The following BPGM variants were observed in gnomAD, a reference collection of about 807,000 sequenced individuals.
The protein encoded by BPGM is bisphosphoglycerate mutase.
In BPGM, 15 loss-of-function variants were observed where a neutral mutation model predicts 21.6. That is an observed-to-expected ratio of 0.70 (90% CI 0.47 to 1.07). BPGM has a LOEUF of 1.07. Among genes scored for constraint, BPGM ranks in the 50% least tolerant of loss-of-function variants. The pLI, the probability that BPGM is intolerant of heterozygous loss-of-function variation, is 0.00. For missense variants in BPGM, 273 were observed against 319.0 expected (o/e 0.86, Z 1.10); for synonymous variants, 113 against 116.2 (o/e 0.97, Z 0.18).
chr7:134,649,497 C>A (rs1795523478), intron 1 of BPGM, among the ~76,000 whole-genome samples: 1 of 151,304 alleles, frequency 6.6e-6, no homozygotes, highest in South Asian at 2.1e-4. Context: ...GTGTCTGGGG[C>A]CTGAAGAACA....
intron 1 of BPGM, among the ~76,000 whole-genome samples, chr7:134,651,699 A>T (rs1795557494): frequency 6.6e-6 from 1 of 152,210 alleles, no homozygotes. Flanking sequence ...CTAATCTTGA[A>T]TCATAATTTT....
chr7:134,658,892 A>ATTTTGTTTATTTTTATT (rs1795683339), intron 1 of BPGM, among the ~76,000 whole-genome samples: 2 of 143,900 alleles, frequency 1.4e-5, no homozygotes, highest in South Asian at 4.3e-4. Flanking sequence ...GTGTGTGTGT[A>ATTTTGTTTATTTTTATT]TTTTTTTTTT....
At chr7:134,662,695 T>G (rs1194730427) in intron 2 of BPGM, among the ~76,000 whole-genome samples, 2 of 152,208 alleles carry the variant, frequency 1.3e-5, no homozygotes, top group Non-Finnish European at 2.9e-5. Context: ...AAACTTCTTT[T>G]CAGAACAGGC....
At chr7:134,668,676 T>C (rs565887145) in intron 2 of BPGM, among the ~76,000 whole-genome samples, 60 of 152,340 alleles carry the variant, frequency 3.9e-4, no homozygotes, top group Non-Finnish European at 6.9e-4. Flanking sequence ...TATATCCTGG[T>C]CATATTTTTT....
chr7:134,650,378 G>A (rs1795536973), intron 1 of BPGM, among the ~76,000 whole-genome samples: 1 of 152,184 alleles, frequency 6.6e-6, no homozygotes, highest in Non-Finnish European at 1.5e-5. Flanking sequence ...GGTTATTCTT[G>A]TAACAAGCAA....
At chr7:134,669,984 G>A (rs954652000) in intron 2 of BPGM, among the ~76,000 whole-genome samples, 12 of 151,898 alleles carry the variant, frequency 7.9e-5, no homozygotes, top group African/African-American at 2.4e-4. Flanking sequence ...GTACTGTAGC[G>A]TTCCAGACAG....
chr7:134,664,682 CA>C (rs1795786891), intron 2 of BPGM, among the ~76,000 whole-genome samples: 1 of 152,220 alleles, frequency 6.6e-6, no homozygotes, highest in South Asian at 2.1e-4. Flanking sequence ...TCACAATAGA[CA>C]AAAGATGGAA....
Position 134,649,171 on chromosome 7 carries a change from A to AT in BPGM, c.-62+2236dup, listed in dbSNP as rs1290189857. On this transcript the variant is annotated intron_variant, in intron 1 of 2. Coordinates refer to ENST00000344924, the MANE Select transcript of BPGM (RefSeq NM_001724.5). ...TAGTTATTTGAAAATTTACAATTAAATTGTTTTTTTTTTTACTATAGTCAC... is the reference window on the plus strand; with the variant it reads ...TAGTTATTTGAAAATTTACAATTAAATTTGTTTTTTTTTTTACTATAGTCAC... 7.1e-3 allele frequency among the ~76,000 whole-genome samples: 1,041 copies of AT among 146,062 alleles called. 15 individuals carry two copies. The East Asian group carries it at 0.078, about 11-fold the overall frequency.
chr7:134,678,932 T>G lies in BPGM; in HGVS notation c.681T>G (p.Arg227=). ...TTCTGGAATTGGATGAAAACCTGCG[T>G]GCTGTTGGGCCTCATCAGTTCCTGG... ...PILLELDENL[R]AVGPHQFLGD... Residue 227 remains arginine, a synonymous_variant, in exon 3 of 3, where the codon CGT becomes CGG. Transcript: ENST00000344924. 1 of 1,614,104 alleles carries G rather than the reference T, an allele frequency of 6.2e-7. No individual in the cohort carries two copies. Among genetic ancestry groups the G allele is most frequent in the Non-Finnish European group, 8.5e-7 (1 of 1,179,924 alleles).
In BPGM at chr7:134,661,417, A is replaced by T; in HGVS notation, c.-61-30A>T. On this transcript the variant is annotated intron_variant, in intron 1 of 2. Coordinates refer to ENST00000344924, the MANE Select transcript of BPGM (RefSeq NM_001724.5). The surrounding 1 kb of genome is among the most constrained non-coding windows in gnomAD (Gnocchi z 4.6). ...TATTCCTAGATTGTCAGTTGAATAT[A>T]ACTTAGACTTGTTGTTCTTGTCTTT... The T allele has an allele frequency of 1.3e-6, 2 of 1,568,308 alleles. No homozygotes were observed. Among genetic ancestry groups the T allele is most frequent in the Non-Finnish European group, 1.8e-6 (2 of 1,142,272 alleles).
intron 1 of BPGM, among the ~76,000 whole-genome samples, chr7:134,648,999 G>A (rs1585849334): frequency 6.6e-6 from 1 of 152,062 alleles, no homozygotes; most frequent in East Asian, 1.9e-4. Flanking sequence ...TTTAATTTTT[G>A]TGGGTACCTA....
At chr7:134,664,514 TA>T (rs1173118569) in intron 2 of BPGM, among the ~76,000 whole-genome samples, 1 of 150,340 alleles carries the variant, frequency 6.7e-6, no homozygotes, top group African/African-American at 2.5e-5. Context: ...TATTCTCTGT[TA>T]AACACTGTAT....
chr7:134,665,347 A>G (rs1795799742), intron 2 of BPGM, among the ~76,000 whole-genome samples: 1 of 89,414 alleles, frequency 1.1e-5, no homozygotes, highest in Non-Finnish European at 2.0e-5. Flanking sequence ...CATCATTCTC[A>G]GTAAACTATC....
At position 134,661,539 on chromosome 7, in the gene BPGM, A is replaced by C; in HGVS notation, c.32A>C (p.His11Pro). 1 of 1,614,168 alleles carries C rather than the reference A, an allele frequency of 6.2e-7. No individual in the cohort carries two copies. The highest frequency in any genetic ancestry group is 1.1e-5 in the South Asian group (1 of 91,086). MSKYKLIMLR[H>P]GEGAWNKENR... ...AAGTACAAACTTATTATGTTAAGAC[A>C]TGGAGAGGGTGCTTGGAATAAGGAG... is the stretch of plus-strand genomic sequence containing the variant. The change falls in exon 2 of 3, where the codon CAT (histidine) becomes CCT (proline). Residue 11 changes from histidine (H) to proline (P), a missense_variant. His to Pro is a moderately conservative substitution (Grantham distance 77, BLOSUM62 -2). Transcript: ENST00000344924. This position sits in a 1 kb window ranked among gnomAD's most constrained non-coding sequence, Gnocchi z 4.6.
chr7:134,675,002 C>G (rs969753505), intron 2 of BPGM, among the ~76,000 whole-genome samples: 2 of 152,110 alleles, frequency 1.3e-5, no homozygotes, highest in African/African-American at 4.8e-5. Flanking sequence ...TTTGCATTTC[C>G]TTGATAGCTA....
intron 1 of BPGM, among the ~76,000 whole-genome samples, chr7:134,656,677 T>C (rs556047405): frequency 6.6e-6 from 1 of 152,202 alleles, no homozygotes; most frequent in South Asian, 2.1e-4. Context: ...AGCATGAGGG[T>C]AACTGTCCCC....
chr7:134,656,421 T>C (rs1389078331), intron 1 of BPGM, among the ~76,000 whole-genome samples: 4 of 152,234 alleles, frequency 2.6e-5, no homozygotes, highest in African/African-American at 9.6e-5. Context: ...GTTAGAATTG[T>C]ATTAGTTCTC....
Position 134,678,842 on chromosome 7 carries a change from C to G in BPGM, c.602-11C>G, listed in dbSNP as rs377573500. 3 of 1,612,192 alleles carry G rather than the reference C, an allele frequency of 1.9e-6. No individual in the cohort carries two copies. The African/African-American group carries it at 4.0e-5, about 22-fold the overall frequency. On this transcript the variant is annotated splice_polypyrimidine_tract_variant and intron_variant, in intron 2 of 2. Transcript: ENST00000344924. ...TTTTAACACCTGGTCTCTTCCTGTC[C>G]TGATCAACAGGTATCTCAGATGAAG...
rs184837736 is a variant in BPGM at position 134,679,569 on chromosome 7, C to A, written c.*538C>A. On this transcript the variant is annotated 3_prime_UTR_variant, in exon 3 of 3. Transcript: ENST00000344924. ...TCACAGATATATTTCTCCAAGAAAGCCAACAACCACCACCACAATGACAGA... is the reference window on the plus strand; with the variant it reads ...TCACAGATATATTTCTCCAAGAAAGACAACAACCACCACCACAATGACAGA... 4.8e-3 allele frequency: 743 copies of A among 153,646 alleles called. 8 individuals carry two copies. The highest frequency in any genetic ancestry group is 0.042 in the South Asian group (209 of 4,926). 9.5% of individuals were successfully genotyped at this position (153,646 alleles called of 1,614,324 possible). A position where few individuals can be genotyped will look rare whatever the true frequency, so the allele number is the denominator to read the frequency against.
Sources: gnomAD v4.1 joint callset for allele counts (sites outside exome capture counted in the v4.1 genomes callset) on GRCh38, gnomAD v4.1.1 for gene constraint, Gnocchi (gnomAD v3.1) non-coding constraint, MANE v1.5 for transcripts, NCBI Gene and HGNC (gene_info 2026-07-23, HGNC 2026-07-21) for gene names.